GABRG3: variants seen among roughly 807,000 people sequenced by gnomAD.
GABRG3 encodes the protein gamma-aminobutyric acid type A receptor subunit gamma3, also known as gamma-aminobutyric acid receptor subunit gamma-3.
A neutral mutation model predicts 48.8 loss-of-function variants in GABRG3; 25 were observed. The observed-to-expected ratio is 0.51, with a 90% CI of 0.37 to 0.72. GABRG3 has a LOEUF of 0.72. Among genes scored for constraint, GABRG3 ranks in the 30% least tolerant of loss-of-function variants. The probability of loss-of-function intolerance (pLI) is 0.00; values close to 1 mark genes in which losing one functional copy is unlikely to be tolerated. For missense variants in GABRG3, 394 were observed against 577.9 expected, an observed-to-expected ratio of 0.68 and a Z score of 3.26; for synonymous variants, 227 against 217.6, an observed-to-expected ratio of 1.04 and a Z score of -0.38.
intron 6 of GABRG3, among the ~76,000 whole-genome samples, chr15:27,507,169 T>C (rs981679205): frequency 3.9e-5 from 6 of 152,344 alleles, no homozygotes; most frequent in Non-Finnish European, 7.3e-5. Context: ...ATTTGTACTA[T>C]AGTCTAAGGA....
chr15:27,388,084 AAGG>A (rs1228641365), intron 5 of GABRG3, among the ~76,000 whole-genome samples: 1 of 90,076 alleles, frequency 1.1e-5, no homozygotes, highest in Non-Finnish European at 2.0e-5. Context: ...GAAGGAAGGA[AAGG>A]AGGGAGGAAA....
chr15:27,215,189 G>GGGAA (rs1298364935), intron 3 of GABRG3, among the ~76,000 whole-genome samples: 1 of 152,170 alleles, frequency 6.6e-6, no homozygotes, highest in Non-Finnish European at 1.5e-5. Context: ...TCCTTGCAGG[G>GGGAA]GGAAGTGAGA....
chr15:27,460,481 C>G (rs1437653852), intron 5 of GABRG3, among the ~76,000 whole-genome samples: 1 of 152,166 alleles, frequency 6.6e-6, no homozygotes, highest in African/African-American at 2.4e-5. Flanking sequence ...GACCTGACCT[C>G]CTCAGTGGAT....
intron 5 of GABRG3, among the ~76,000 whole-genome samples, chr15:27,452,146 T>A (rs1352785465): frequency 2.0e-5 from 3 of 152,112 alleles, no homozygotes; most frequent in Admixed American, 2.0e-4. Context: ...CATCACTAAT[T>A]GTCGGGGAAA....
At chr15:27,311,348 A>G (rs1417514456) in intron 3 of GABRG3, among the ~76,000 whole-genome samples, 1 of 152,040 alleles carries the variant, frequency 6.6e-6, no homozygotes, top group Non-Finnish European at 1.5e-5. Flanking sequence ...CAGCTCCCAG[A>G]TTTTCCTTGG....
chr15:27,254,493 G>T (rs998562589), intron 3 of GABRG3, among the ~76,000 whole-genome samples: 28 of 152,186 alleles, frequency 1.8e-4, no homozygotes, highest in African/African-American at 6.7e-4. Context: ...TACAAATGGG[G>T]TATCTTATAC....
At chr15:27,451,634 A>G (rs1057367264) in intron 5 of GABRG3, among the ~76,000 whole-genome samples, 1 of 152,178 alleles carries the variant, frequency 6.6e-6, no homozygotes, top group African/African-American at 2.4e-5. Flanking sequence ...CTGTGTGATA[A>G]TGTTTTAAAT....
chr15:27,465,660 C>T (rs899465452), intron 5 of GABRG3, among the ~76,000 whole-genome samples: 13 of 152,224 alleles, frequency 8.5e-5, no homozygotes, highest in African/African-American at 3.1e-4. Context: ...GTGGCACTTA[C>T]ACTTCATTCC....
At chr15:27,277,096 C>T (rs1891280736) in intron 3 of GABRG3, among the ~76,000 whole-genome samples, 1 of 152,226 alleles carries the variant, frequency 6.6e-6, no homozygotes, top group Non-Finnish European at 1.5e-5. Flanking sequence ...GACATCCTTG[C>T]CTGTGGCAGG....
At chr15:27,008,701 C>A (rs1296191054) in intron 2 of GABRG3, among the ~76,000 whole-genome samples, 2 of 151,930 alleles carry the variant, frequency 1.3e-5, no homozygotes, top group Admixed American at 6.6e-5. Context: ...GCACACACCT[C>A]ATTTTTTTAA....
intron 7 of GABRG3, among the ~76,000 whole-genome samples, chr15:27,522,830 T>C (rs993439886): frequency 2.6e-5 from 4 of 151,958 alleles, no homozygotes; most frequent in African/African-American, 4.8e-5. Flanking sequence ...GAGAAGAGGA[T>C]AAATTTTTAA....
rs147363293 is a variant in GABRG3 at position 27,444,253 on chromosome 15, A to G, written c.575-36397A>G. On this transcript the variant is annotated intron_variant, in intron 5 of 9. Coordinates refer to ENST00000615808, the MANE Select transcript of GABRG3 (RefSeq NM_033223.5). The stretch of plus-strand genomic sequence containing the variant: ...TTACTATGTAGTGATTTTTTTGTCT[A>G]TTTATTCAAAAAGTATATAAAGATC... 9.8e-3 allele frequency among the ~76,000 whole-genome samples: 1,488 copies of G among 152,200 alleles called. 16 individuals are homozygous for G. Among genetic ancestry groups the G allele is most frequent in the Non-Finnish European group, 0.015 (1,036 of 67,952 alleles).
At chr15:27,228,292 A>G (rs964824799) in intron 3 of GABRG3, among the ~76,000 whole-genome samples, 1 of 152,116 alleles carries the variant, frequency 6.6e-6, no homozygotes, top group Non-Finnish European at 1.5e-5. Context: ...TTTAGCTCCC[A>G]CTTATAAATG....
At chr15:27,127,379 T>A (rs1897839368) in intron 3 of GABRG3, among the ~76,000 whole-genome samples, 1 of 147,758 alleles carries the variant, frequency 6.8e-6, no homozygotes, top group Non-Finnish European at 1.5e-5. Context: ...TCTACTTTTA[T>A]GAAATACTTA....
At chr15:27,116,453 C>T (rs752630430) in intron 3 of GABRG3, among the ~76,000 whole-genome samples, 5 of 152,268 alleles carry the variant, frequency 3.3e-5, no homozygotes, top group Non-Finnish European at 7.4e-5. Context: ...GAAACATCCA[C>T]TATCTACCTA....
chr15:27,272,641 A>G (rs1366320323), intron 3 of GABRG3, among the ~76,000 whole-genome samples: 6 of 152,172 alleles, frequency 3.9e-5, no homozygotes, highest in African/African-American at 1.2e-4. Flanking sequence ...GCTACAGCCC[A>G]CAGTGCACCA....
intron 2 of GABRG3, among the ~76,000 whole-genome samples, chr15:26,978,485 T>C (rs1894992818): frequency 6.6e-6 from 1 of 152,214 alleles, no homozygotes; most frequent in Non-Finnish European, 1.5e-5. Context: ...TGTTATGTCT[T>C]GATTTTTATA....
chr15:27,161,873 T>C (rs1887203563), intron 3 of GABRG3, among the ~76,000 whole-genome samples: 1 of 152,260 alleles, frequency 6.6e-6, no homozygotes, highest in African/African-American at 2.4e-5. Context: ...TTCTATAAAC[T>C]AAAGGATGTG....
intron 3 of GABRG3, among the ~76,000 whole-genome samples, chr15:27,275,281 T>C (rs1391600091): frequency 1.3e-5 from 2 of 152,230 alleles, no homozygotes; most frequent in Non-Finnish European, 2.9e-5. Context: ...CTAAGTATCA[T>C]TGTTTAAAAT....
Sources: allele counts gnomAD v4.1 joint callset (sites outside exome capture counted in the v4.1 genomes callset), GRCh38; gene constraint gnomAD v4.1.1; transcripts MANE v1.5; gene names NCBI Gene and HGNC (gene_info 2026-07-23, HGNC 2026-07-21).